Variants in NOL10 observed in about 807,000 individuals in gnomAD.
The protein encoded by NOL10 is H_NH0074G24.1.
Under a neutral mutation model 103.5 loss-of-function variants are expected in NOL10, and 58 were observed. That is an observed-to-expected ratio of 0.56 (90% CI 0.45 to 0.70). NOL10 has a LOEUF of 0.70. NOL10 is among the 30% of genes least tolerant of loss of function. NOL10 has a pLI of 0.00. For missense variants in NOL10, 763 were observed against 807.3 expected, an observed-to-expected ratio of 0.95 and a Z score of 0.67; for synonymous variants, 287 against 282.5, an observed-to-expected ratio of 1.02 and a Z score of -0.16.
chr2:10,617,511 T>G (rs950894741), intron 13 of NOL10, among the ~76,000 whole-genome samples: 7 of 152,096 alleles, frequency 4.6e-5, no homozygotes, highest in African/African-American at 1.7e-4. Flanking sequence ...CCTGGGGACC[T>G]GGGGGAGGGA....
At position 10,607,172 on chromosome 2, in the gene NOL10, AT is replaced by A. The variant is rs71392244; in HGVS notation, c.1153+12del. 3.8e-3 allele frequency: 5,015 copies of A among 1,323,992 alleles called. No homozygotes were observed. The highest frequency in any genetic ancestry group is 9.5e-3 in the South Asian group (638 of 67,380). The allele number at this position is 1,323,992 out of a possible 1,614,324, so 82.0% of individuals were successfully genotyped here. On this transcript the variant is annotated intron_variant, in intron 14 of 20. Transcript: ENST00000381685. ...AGTAATTACATAATATTTCATCACAATTTTTTTTTTACCTAAATTTTCAAGG... is the reference window on the plus strand; with the variant it reads ...AGTAATTACATAATATTTCATCACAATTTTTTTTTACCTAAATTTTCAAGG...
At chr2:10,675,140 C>A (rs913025597) in intron 4 of NOL10, among the ~76,000 whole-genome samples, 1 of 151,944 alleles carries the variant, frequency 6.6e-6, no homozygotes, top group African/African-American at 2.4e-5. Flanking sequence ...GAGTTCAAGG[C>A]TACAGTAAAC....
intron 17 of NOL10, among the ~76,000 whole-genome samples, chr2:10,590,618 C>G (rs565085932): frequency 6.6e-6 from 1 of 152,146 alleles, no homozygotes; most frequent in Non-Finnish European, 1.5e-5. Context: ...TCAATATTCC[C>G]CCTCAGGTCA....
intron 20 of NOL10, among the ~76,000 whole-genome samples, chr2:10,573,125 A>G (rs73917017): frequency 0.085 from 12,936 of 151,772 alleles, 683 homozygotes; most frequent in Admixed American, 0.15. Context: ...AAGCACTGTC[A>G]GGGGCCTCAG....
chr2:10,615,452 C>T (rs1007363069), intron 13 of NOL10, among the ~76,000 whole-genome samples: 58 of 152,230 alleles, frequency 3.8e-4, no homozygotes, highest in African/African-American at 1.3e-3. Context: ...GACAGAGTGC[C>T]TTCAGTCAAG....
chr2:10,684,001 G>A (rs922730595), intron 2 of NOL10, among the ~76,000 whole-genome samples: 5 of 152,138 alleles, frequency 3.3e-5, no homozygotes, highest in South Asian at 2.1e-4. Context: ...AAAGGCGGCC[G>A]GACGCGGTGG....
intron 14 of NOL10, 147 bp from the exon 15 acceptor site, chr2:10,603,304 C>A: frequency 1.6e-6 from 1 of 621,024 alleles, no homozygotes; most frequent in Non-Finnish European, 2.9e-6. Context: ...TCTTTGATAT[C>A]TATAGAGAAC....
At chr2:10,593,483 T>G (rs1427080513) in intron 17 of NOL10, among the ~76,000 whole-genome samples, 1 of 152,186 alleles carries the variant, frequency 6.6e-6, no homozygotes. Context: ...GAAGTTAGGC[T>G]GGTACAGACT....
intron 19 of NOL10, among the ~76,000 whole-genome samples, chr2:10,579,815 C>T (rs1674656395): frequency 6.6e-6 from 1 of 151,866 alleles, no homozygotes; most frequent in Non-Finnish European, 1.5e-5. Flanking sequence ...TTCTGAATAA[C>T]TATGGAACCA....
Position 10,657,872 on chromosome 2 carries a change from C to T in NOL10, c.776G>A (p.Arg259Gln), listed in dbSNP as rs1373823531. ...TTGQVLLYDL[R>Q]SDKPLLVKDH... is the part of the protein sequence containing the mutation. ...TTTAACTAGCAATGGCTTATCAGAT[C>T]GAAGGTCATATAATAAAACCTGAAA... is the stretch of plus-strand genomic sequence containing the variant. The change falls in exon 11 of 21, where the codon CGA becomes CAA. Residue 259 changes from arginine to glutamine, a missense_variant. By Grantham distance (43) the Arg-to-Gln change is conservative. Coordinates refer to ENST00000381685, the MANE Select transcript of NOL10 (RefSeq NM_024894.4). The T allele has an allele frequency of 4.6e-6, 7 of 1,536,274 alleles. No individual in the cohort carries two copies. Among genetic ancestry groups the T allele is most frequent in the African/African-American group, 1.4e-5 (1 of 72,204 alleles).
intron 12 of NOL10, among the ~76,000 whole-genome samples, chr2:10,648,719 T>C (rs1057235769): frequency 3.9e-5 from 6 of 152,148 alleles, no homozygotes; most frequent in Non-Finnish European, 7.3e-5. Flanking sequence ...ACTTAACTTC[T>C]ATTTTAGAAA....
Position 10,589,098 on chromosome 2 carries a change from CT to C in NOL10, c.1788del (p.Ala597GlnfsTer17). 6.2e-7 allele frequency: 1 copy of C among 1,614,036 alleles called. No homozygotes were observed. Among genetic ancestry groups the C allele is most frequent in the South Asian group, 1.1e-5 (1 of 91,080 alleles). On this transcript the variant is annotated frameshift_variant, in exon 19 of 21. Coordinates refer to ENST00000381685, the MANE Select transcript of NOL10 (RefSeq NM_024894.4). LOFTEE classifies it high-confidence loss of function. ...TTGAAGCTTCTAAATTCTTCTCCTG[CT>C]TTGATCTCATAAAACTGGGGCTTTA... Reference protein sequence around the residue: ...TVLKPQFYEIKAGEEFRSFKD... With the variant: ...TVLKPQFYEIXAGEEFRSFKD...
chr2:10,574,101 G>A (rs991827994), intron 20 of NOL10, among the ~76,000 whole-genome samples: 2 of 152,194 alleles, frequency 1.3e-5, no homozygotes, highest in African/African-American at 4.8e-5. Context: ...TATAATTAGA[G>A]GTGTATAATT....
intron 19 of NOL10, among the ~76,000 whole-genome samples, 175 bp from the exon 20 acceptor site, chr2:10,577,913 T>C (rs1674541290): frequency 6.6e-6 from 1 of 152,250 alleles, no homozygotes; most frequent in South Asian, 2.1e-4. Context: ...ATAGTCATTA[T>C]TCATATTCCA....
At chr2:10,688,880 G>A (rs1251566742) in intron 1 of NOL10, among the ~76,000 whole-genome samples, 1 of 152,208 alleles carries the variant, frequency 6.6e-6, no homozygotes, top group Non-Finnish European at 1.5e-5. Context: ...AGGAAGAAAG[G>A]AAAAACCTAA....
intron 1 of NOL10, among the ~76,000 whole-genome samples, chr2:10,688,650 T>C (rs549729730): frequency 3.2e-4 from 49 of 152,370 alleles, no homozygotes; most frequent in African/African-American, 1.0e-3. Context: ...AAAGTACTTT[T>C]TGACTACCTT....
intron 13 of NOL10, among the ~76,000 whole-genome samples, chr2:10,632,249 C>T (rs1677897847): frequency 6.6e-6 from 1 of 152,150 alleles, no homozygotes; most frequent in African/African-American, 2.4e-5. Context: ...CCCCTGCATT[C>T]ATGTCTTACA....
chr2:10,667,123 C>T (rs1680617464), intron 8 of NOL10, 95 bp downstream of exon 8: 2 of 846,446 alleles, frequency 2.4e-6, no homozygotes, highest in African/African-American at 3.4e-5. Flanking sequence ...TCATTATCAT[C>T]CTGCTCTAAG....
Position 10,589,089 on chromosome 2 carries a change from C to G in NOL10, c.1798G>C (p.Glu600Gln). The G allele has an allele frequency of 6.2e-7, 1 of 1,614,034 alleles. No individual in the cohort carries two copies. Among genetic ancestry groups the G allele is most frequent in the Non-Finnish European group, 8.5e-7 (1 of 1,179,902 alleles). The change falls in exon 19 of 21, where the codon GAA (glutamate) becomes CAA (glutamine). Residue 600 changes from glutamate (E) to glutamine (Q), a missense_variant. Coordinates refer to ENST00000381685, the MANE Select transcript of NOL10 (RefSeq NM_024894.4). The stretch of plus-strand genomic sequence containing the variant: ...GCAGAATCTTTGAAGCTTCTAAATT[C>G]TTCTCCTGCTTTGATCTCATAAAAC... ...PQFYEIKAGEEFRSFKDSATK... is the reference protein window; with the variant it reads ...PQFYEIKAGEQFRSFKDSATK...
Sources: allele counts gnomAD v4.1 joint callset (sites outside exome capture counted in the v4.1 genomes callset), GRCh38; gene constraint gnomAD v4.1.1; transcripts MANE v1.5; gene names NCBI Gene and HGNC (gene_info 2026-07-23, HGNC 2026-07-21).